CHRM3: variants seen among roughly 807,000 people sequenced by gnomAD.
The protein encoded by CHRM3 is cholinergic receptor muscarinic 3.
In CHRM3, 11 loss-of-function variants were observed where a neutral mutation model predicts 41.8. The ratio of observed to expected loss-of-function variants is 0.26; its 90% CI spans 0.17 to 0.44. CHRM3 has a LOEUF of 0.44. CHRM3 is among the 20% of genes least tolerant of loss of function. CHRM3 has a pLI of 1.00. For missense variants in CHRM3, 571 were observed against 745.4 expected (o/e 0.77, Z 2.72); for synonymous variants, 297 against 301.4 (o/e 0.99, Z 0.15).
At chr1:239,761,002 G>T (rs1330215889) in intron 5 of CHRM3, among the ~76,000 whole-genome samples, 1 of 151,928 alleles carries the variant, frequency 6.6e-6, no homozygotes, top group East Asian at 1.9e-4. Flanking sequence ...ATATGTCTGA[G>T]ATTCCAATTA....
intron 4 of CHRM3, among the ~76,000 whole-genome samples, chr1:239,641,617 G>C (rs1374312761): frequency 6.8e-6 from 1 of 146,610 alleles, no homozygotes; most frequent in Non-Finnish European, 1.5e-5. Flanking sequence ...CCATTTGCTT[G>C]GTAGATCTTC....
intron 5 of CHRM3, among the ~76,000 whole-genome samples, chr1:239,809,829 A>G (rs1670978014): frequency 1.3e-5 from 2 of 152,114 alleles, no homozygotes; most frequent in African/African-American, 2.4e-5. Context: ...TTGCTTCACC[A>G]AAGTCTCCTT....
chr1:239,413,543 C>T (rs1661273623), intron 1 of CHRM3, among the ~76,000 whole-genome samples: 1 of 152,204 alleles, frequency 6.6e-6, no homozygotes, highest in African/African-American at 2.4e-5. Flanking sequence ...CCCCCTCAGC[C>T]TCCTAAATTG....
intron 5 of CHRM3, among the ~76,000 whole-genome samples, chr1:239,680,870 A>G (rs1179308259): frequency 2.0e-5 from 3 of 151,614 alleles, no homozygotes; most frequent in Non-Finnish European, 4.4e-5. Flanking sequence ...AACCATTTGT[A>G]TTAGTTTGTT....
At chr1:239,702,316 G>A (rs1390200344) in intron 5 of CHRM3, among the ~76,000 whole-genome samples, 2 of 152,058 alleles carry the variant, frequency 1.3e-5, no homozygotes, top group Non-Finnish European at 2.9e-5. Flanking sequence ...CCAAAACATG[G>A]GTGTTTTGGA....
intron 2 of CHRM3, among the ~76,000 whole-genome samples, chr1:239,515,973 C>T (rs1172975272): frequency 6.6e-6 from 1 of 152,148 alleles, no homozygotes; most frequent in African/African-American, 2.4e-5. Flanking sequence ...GGATATTATA[C>T]CCCTGGTAAT....
At chr1:239,547,134 A>C (rs1226406773) in intron 3 of CHRM3, among the ~76,000 whole-genome samples, 1 of 152,174 alleles carries the variant, frequency 6.6e-6, no homozygotes, top group African/African-American at 2.4e-5. Flanking sequence ...CATGAATAAA[A>C]TTTTTGCATA....
chr1:239,532,013 T>TC (rs1657630186), intron 2 of CHRM3, among the ~76,000 whole-genome samples: 1 of 115,742 alleles, frequency 8.6e-6, no homozygotes, highest in Non-Finnish European at 1.9e-5. Context: ...TTCTTTCTTT[T>TC]TTTTTTTTTT....
chr1:239,440,704 T>A (rs113367561), intron 1 of CHRM3, among the ~76,000 whole-genome samples: 3,290 of 152,284 alleles, frequency 0.022, 132 homozygotes, highest in African/African-American at 0.072. Context: ...TACTCGACAT[T>A]TATCAAATGA....
chr1:239,848,805 G>C (rs1471780640), intron 6 of CHRM3, among the ~76,000 whole-genome samples: 1 of 152,054 alleles, frequency 6.6e-6, no homozygotes, highest in Non-Finnish European at 1.5e-5. Flanking sequence ...TTATTATCAA[G>C]AATAGATAAA....
intron 6 of CHRM3, among the ~76,000 whole-genome samples, chr1:239,895,748 A>G (rs113850409): frequency 0.05 from 7,583 of 152,260 alleles, 629 homozygotes; most frequent in African/African-American, 0.18. Flanking sequence ...GTTCTCACTT[A>G]TAAGTGGGAG....
intron 1 of CHRM3, among the ~76,000 whole-genome samples, chr1:239,430,971 A>G (rs951074296): frequency 6.6e-6 from 1 of 152,156 alleles, no homozygotes; most frequent in African/African-American, 2.4e-5. Context: ...ACTATTTAAA[A>G]TCATAATATC....
intron 5 of CHRM3, among the ~76,000 whole-genome samples, chr1:239,761,640 C>T (rs749119839): frequency 2.5e-4 from 38 of 152,162 alleles, no homozygotes; most frequent in African/African-American, 6.0e-4. Flanking sequence ...CAATATGCTT[C>T]GGAGTGCTCG....
chr1:239,769,515 T>G (rs1340348741), intron 5 of CHRM3, among the ~76,000 whole-genome samples: 2 of 151,938 alleles, frequency 1.3e-5, no homozygotes, highest in African/African-American at 4.8e-5. Context: ...CCCAAAAGAG[T>G]CGTGACATTT....
chr1:239,857,663 C>T (rs938127912), intron 6 of CHRM3, among the ~76,000 whole-genome samples: 1 of 152,100 alleles, frequency 6.6e-6, no homozygotes, highest in Admixed American at 6.6e-5. Context: ...GCCAGAGGCT[C>T]TCTTAGAGTA....
intron 3 of CHRM3, among the ~76,000 whole-genome samples, chr1:239,564,463 T>A (rs772992366): frequency 6.6e-6 from 1 of 152,210 alleles, no homozygotes; most frequent in Non-Finnish European, 1.5e-5. Flanking sequence ...ATCTTTTGTA[T>A]TTTAATTATC....
intron 2 of CHRM3, among the ~76,000 whole-genome samples, chr1:239,538,849 T>A (rs2148376214): frequency 6.6e-6 from 1 of 152,314 alleles, no homozygotes; most frequent in South Asian, 2.1e-4. Context: ...AGCCTTTTCC[T>A]CAAGGCTGTC....
intron 5 of CHRM3, among the ~76,000 whole-genome samples, chr1:239,733,375 C>T (rs188097785): frequency 1.3e-4 from 19 of 151,878 alleles, no homozygotes; most frequent in Admixed American, 1.1e-3. Context: ...AGATTTCCCC[C>T]GTTGTCTCAA....
intron 1 of CHRM3, among the ~76,000 whole-genome samples, chr1:239,489,411 T>C (rs1667414947): frequency 1.4e-5 from 2 of 144,326 alleles, no homozygotes; most frequent in African/African-American, 4.9e-5. Context: ...AGACTCTGTC[T>C]CAAAAAAAAA....
Sources: gnomAD v4.1 joint callset for allele counts (sites outside exome capture counted in the v4.1 genomes callset) on GRCh38, gnomAD v4.1.1 for gene constraint, MANE v1.5 for transcripts, NCBI Gene and HGNC (gene_info 2026-07-23, HGNC 2026-07-21) for gene names.